The following ATXN7 variants were observed in gnomAD, a reference collection of about 807,000 sequenced individuals.
The protein encoded by ATXN7 is ataxin-7.
ATXN7 carries 12 observed loss-of-function variants against 70.5 expected under a neutral mutation model. The ratio of observed to expected loss-of-function variants is 0.17; its 90% CI spans 0.11 to 0.28. The LOEUF (loss-of-function observed/expected upper bound fraction) is 0.28, where lower values mean the gene tolerates loss of function less well. ATXN7 is among the 10% of genes least tolerant of loss of function. ATXN7 has a pLI of 1.00. For synonymous variants in ATXN7, 498 were observed against 448.7 expected (o/e 1.11, Z -1.39); for missense variants, 1,256 against 1,131.7 (o/e 1.11, Z -1.58).
intron 5 of ATXN7, among the ~76,000 whole-genome samples, chr3:63,976,119 A>G (rs1002739892): frequency 5.9e-5 from 9 of 152,204 alleles, no homozygotes; most frequent in African/African-American, 2.2e-4. Flanking sequence ...TCCACTTAAT[A>G]TAGGGTCCCT....
At chr3:63,887,047 A>G (rs957279108) in intron 1 of ATXN7, among the ~76,000 whole-genome samples, 3 of 152,188 alleles carry the variant, frequency 2.0e-5, no homozygotes, top group African/African-American at 4.8e-5. Context: ...TTCAATGGGC[A>G]CTGGAAATGT....
intron 1 of ATXN7, among the ~76,000 whole-genome samples, chr3:63,896,620 T>C (rs1325624059): frequency 1.3e-5 from 2 of 152,210 alleles, no homozygotes; most frequent in African/African-American, 4.8e-5. Context: ...ACAGGGTTAT[T>C]GGAAGATCAA....
At chr3:63,884,723 C>T (rs930434079) in intron 1 of ATXN7, among the ~76,000 whole-genome samples, 1 of 151,866 alleles carries the variant, frequency 6.6e-6, no homozygotes, top group African/African-American at 2.4e-5. Flanking sequence ...AATCTTAGCT[C>T]ACTGCAACCT....
At chr3:63,917,673 C>T (rs565443558) in intron 4 of ATXN7, among the ~76,000 whole-genome samples, 3 of 152,280 alleles carry the variant, frequency 2.0e-5, no homozygotes, top group Admixed American at 2.0e-4. Flanking sequence ...TATGTGATGG[C>T]TCCTTGTTAA....
At chr3:63,876,378 G>A (rs1255406524) in intron 1 of ATXN7, among the ~76,000 whole-genome samples, 1 of 151,966 alleles carries the variant, frequency 6.6e-6, no homozygotes, top group Non-Finnish European at 1.5e-5. Context: ...TATTATTGTG[G>A]TAGTTATAAC....
chr3:63,925,592 G>T (rs1300575373), intron 4 of ATXN7, among the ~76,000 whole-genome samples: 1 of 151,870 alleles, frequency 6.6e-6, no homozygotes, highest in Non-Finnish European at 1.5e-5. Context: ...CACGAAACTG[G>T]TCTCTGGTGT....
intron 10 of ATXN7, 66 bp downstream of exon 10, chr3:63,990,440 G>GCGCGCCAGGGATCTTGGT: frequency 6.3e-7 from 1 of 1,574,904 alleles, no homozygotes; most frequent in Non-Finnish European, 8.7e-7. Flanking sequence ...CTGCAGGGGG[G>GCGCGCCAGGGATCTTGGT]CGCGCCAGGG....
chr3:63,865,168 AGAG>A (rs1050754658), intron 1 of ATXN7: 4 of 152,250 alleles, frequency 2.6e-5, no homozygotes, highest in African/African-American at 7.2e-5. Context: ...GTTCTTTCAA[AGAG>A]GAGAAGTTGC....
At chr3:63,912,506 G>A in intron 2 of ATXN7, 82 bp from the exon 3 acceptor site, 1 of 932,500 alleles carries the variant, frequency 1.1e-6, no homozygotes, top group Non-Finnish European at 1.3e-6. Context: ...CGCGGGCCGC[G>A]CACGCCGCCG....
In ATXN7 at chr3:63,863,901, G is replaced by C. The variant is rs1485931201; in HGVS notation, c.-368G>C. 4.0e-5 allele frequency: 44 copies of C among 1,104,686 alleles called. No homozygotes were observed. The South Asian group carries it at 7.0e-4, about 18-fold the overall frequency. The allele number at this position is 1,104,686 out of a possible 1,614,324, so 68.4% of individuals were successfully genotyped here. A position where few individuals can be genotyped will look rare whatever the true frequency, so the allele number is the denominator to read the frequency against. On this transcript the variant is annotated 5_prime_UTR_variant, in exon 1 of 13. Transcript: ENST00000674280. ...CCGGGTAAACAGCCATGGAGGAGGAGGCGGCGGCGCCCGCGGCCGCCTGCT... is the reference window on the plus strand; with the variant it reads ...CCGGGTAAACAGCCATGGAGGAGGACGCGGCGGCGCCCGCGGCCGCCTGCT...
At chr3:63,979,837 T>C in intron 5 of ATXN7, 78 bp from the exon 6 acceptor site, 1 of 1,579,212 alleles carries the variant, frequency 6.3e-7, no homozygotes, top group Admixed American at 1.7e-5. Flanking sequence ...AATATATTGA[T>C]TTCAGGGAAT....
intron 5 of ATXN7, 111 bp downstream of exon 5, chr3:63,952,594 G>A (rs1042281366): frequency 5.4e-5 from 31 of 575,370 alleles, no homozygotes; most frequent in Non-Finnish European, 8.2e-5. Context: ...CCCCCACCAG[G>A]AAGTAGGCTT....
At chr3:63,882,186 T>TA (rs1702933265) in intron 1 of ATXN7, among the ~76,000 whole-genome samples, 1 of 152,188 alleles carries the variant, frequency 6.6e-6, no homozygotes, top group Admixed American at 6.5e-5. Flanking sequence ...ACAGATTCCC[T>TA]AACCCAGATG....
intron 8 of ATXN7, among the ~76,000 whole-genome samples, chr3:63,985,472 T>C (rs763085118): frequency 4.6e-5 from 7 of 152,230 alleles, no homozygotes; most frequent in Non-Finnish European, 8.8e-5. Context: ...TTCATTGTTT[T>C]GTCAGTTCTT....
intron 5 of ATXN7, among the ~76,000 whole-genome samples, chr3:63,969,847 G>C (rs1397763961): frequency 2.6e-5 from 4 of 152,182 alleles, no homozygotes; most frequent in Admixed American, 1.3e-4. Flanking sequence ...AGTAGCTAGA[G>C]ACTGGTGGAT....
At chr3:63,939,758 C>G (rs1006440579) in intron 4 of ATXN7, among the ~76,000 whole-genome samples, 1 of 152,076 alleles carries the variant, frequency 6.6e-6, no homozygotes, top group Admixed American at 6.5e-5. Flanking sequence ...CTTTGAAAAC[C>G]AGCAGCTTCA....
intron 11 of ATXN7, 32 bp from the exon 12 acceptor site, chr3:63,995,473 A>G (rs1177242301): frequency 6.2e-7 from 1 of 1,610,902 alleles, no homozygotes; most frequent in Non-Finnish European, 8.5e-7. Flanking sequence ...GGCTGTGGTC[A>G]GTGTCATTCA....
intron 1 of ATXN7, among the ~76,000 whole-genome samples, chr3:63,871,104 C>T (rs917883959): frequency 6.6e-6 from 1 of 152,146 alleles, no homozygotes; most frequent in Non-Finnish European, 1.5e-5. Flanking sequence ...TTTCAACATT[C>T]TCTACTGATT....
rs556181146 is a variant in ATXN7 at position 63,917,550 on chromosome 3, ATCT to A, written c.394+4330_394+4332del. Among the ~76,000 whole-genome samples, 597 of 152,352 alleles carry A rather than the reference ATCT, an allele frequency of 3.9e-3. 2 individuals carry two copies. Among genetic ancestry groups the A allele is most frequent in the Middle Eastern group, 6.8e-3 (2 of 294 alleles). On this transcript the variant is annotated intron_variant, in intron 4 of 12. Coordinates refer to ENST00000674280, the MANE Select transcript of ATXN7 (RefSeq NM_001377405.1). ...CAACAATGGTATTGGGAAAAATGACATCTTCTTTGGGAAGCTGTCCATAACTTC... is the reference window on the plus strand; with the variant it reads ...CAACAATGGTATTGGGAAAAATGACATCTTTGGGAAGCTGTCCATAACTTC...
Sources: gnomAD v4.1 joint callset for allele counts (sites outside exome capture counted in the v4.1 genomes callset) on GRCh38, gnomAD v4.1.1 for gene constraint, MANE v1.5 for transcripts, NCBI Gene and HGNC (gene_info 2026-07-23, HGNC 2026-07-21) for gene names.